Variants in PDCD6 observed in about 807,000 individuals in gnomAD.
PDCD6 encodes the protein programmed cell death protein 6.
PDCD6 carries 12 observed loss-of-function variants against 28.3 expected under a neutral mutation model. The observed-to-expected ratio is 0.42, with a 90% CI of 0.27 to 0.69. The LOEUF (loss-of-function observed/expected upper bound fraction) is 0.69, where lower values mean the gene tolerates loss of function less well. PDCD6 is among the 30% of genes least tolerant of loss of function. The pLI is 0.22. For missense variants in PDCD6, 226 were observed against 269.9 expected (o/e 0.84, Z 1.14); for synonymous variants, 92 against 108.0 (o/e 0.85, Z 0.92).
chr5:293,993 C>T (rs1210761898), intron 2 of PDCD6, among the ~76,000 whole-genome samples: 3 of 142,964 alleles, frequency 2.1e-5, no homozygotes, highest in South Asian at 4.3e-4. Flanking sequence ...GAGCTGCAAA[C>T]GCCCGCGATA....
chr5:286,385 T>C (rs993881969), intron 2 of PDCD6, among the ~76,000 whole-genome samples: 2 of 151,574 alleles, frequency 1.3e-5, no homozygotes, highest in African/African-American at 4.9e-5. Context: ...GGTGAGCTGA[T>C]GTTCCCGTTT....
chr5:280,366 G>A (rs1220606705), intron 2 of PDCD6, among the ~76,000 whole-genome samples: 2 of 152,098 alleles, frequency 1.3e-5, no homozygotes, highest in Non-Finnish European at 2.9e-5. Context: ...GGGCACTGTG[G>A]GCTGTGGATG....
At chr5:285,872 C>T (rs1226375575) in intron 2 of PDCD6, among the ~76,000 whole-genome samples, 10 of 150,086 alleles carry the variant, frequency 6.7e-5, no homozygotes, top group African/African-American at 2.5e-4. Context: ...GCTGATGTTC[C>T]AGTTTAAGGC....
chr5:273,648 G>C (rs567428340), intron 2 of PDCD6, among the ~76,000 whole-genome samples: 3 of 152,282 alleles, frequency 2.0e-5, no homozygotes, highest in African/African-American at 7.2e-5. Context: ...ACTGGGGCGC[G>C]GGGAGCACTA....
chr5:283,475 A>G (rs1294136475), intron 2 of PDCD6, among the ~76,000 whole-genome samples: 5 of 151,354 alleles, frequency 3.3e-5, no homozygotes, highest in Non-Finnish European at 5.9e-5. Context: ...CTGATGTTCT[A>G]GATTGAGGAT....
Position 307,441 on chromosome 5 carries a change from T to C in PDCD6, c.367+681T>C, listed in dbSNP as rs1400813487. On this transcript the variant is annotated intron_variant, in intron 4 of 5. Transcript: ENST00000264933. The surrounding 1 kb of genome is among the most constrained non-coding windows in gnomAD (Gnocchi z 6.1). ...TCAGGTGCGCTCAGCGTGTGTGTGC[T>C]TGACGCGTGTGCACACACACATGTG... 1.3e-5 allele frequency among the ~76,000 whole-genome samples: 2 copies of C among 152,160 alleles called. No homozygotes were observed. Among genetic ancestry groups the C allele is most frequent in the African/African-American group, 4.8e-5 (2 of 41,446 alleles).
chr5:298,791 T>TCCCCCCAGCTGCTC, intron 2 of PDCD6, among the ~76,000 whole-genome samples: 1 of 3,864 alleles, frequency 2.6e-4, no homozygotes, highest in African/African-American at 2.3e-3. Context: ...CCCCAGCTGC[T>TCCCCCCAGCTGCTC]CCCCCAGCTG....
At chr5:289,381 C>G in intron 2 of PDCD6, 1 of 608,534 alleles carries the variant, frequency 1.6e-6, no homozygotes, top group Non-Finnish European at 3.0e-6. Context: ...TCTTCTTACT[C>G]CTCCCTTTTA....
Position 314,438 on chromosome 5 carries a change from C to G in PDCD6, c.499C>G (p.Arg167Gly). 6.2e-7 allele frequency: 1 copy of G among 1,613,500 alleles called. No homozygotes were observed. The highest frequency in any genetic ancestry group is 8.5e-7 in the Non-Finnish European group (1 of 1,179,628). ...CCAGAGGTTGACGGATATATTCAGA[C>G]GTTACGACACGGATCAGGACGGCTG... ...VLQRLTDIFRRYDTDQDGWIQ... is the reference protein window; with the variant it reads ...VLQRLTDIFRGYDTDQDGWIQ... Residue 167 changes from arginine (R) to glycine (G), a missense_variant, in exon 6 of 6, where the codon CGT becomes GGT. Around this residue, in one of 3 missense-constraint regions of PDCD6, gnomAD observed 151 missense variants for 177.2 expected, o/e 0.85. Transcript: ENST00000264933.
chr5:281,880 C>T (rs975481418), intron 2 of PDCD6, among the ~76,000 whole-genome samples: 2 of 149,844 alleles, frequency 1.3e-5, no homozygotes, highest in Non-Finnish European at 3.0e-5. Flanking sequence ...CTTTGAGGGT[C>T]TTTCAGCTGA....
At chr5:273,077 G>T (rs1363820224) in intron 2 of PDCD6, 2 of 350,838 alleles carry the variant, frequency 5.7e-6, no homozygotes. Context: ...ACAGCCGAAA[G>T]CCTTTTGGTA....
chr5:273,996 A>G (rs1738020074), intron 2 of PDCD6, among the ~76,000 whole-genome samples: 2 of 150,780 alleles, frequency 1.3e-5, no homozygotes, highest in Admixed American at 6.6e-5. Flanking sequence ...AGACGTGGCT[A>G]CTAGAAAGAG....
intron 2 of PDCD6, among the ~76,000 whole-genome samples, chr5:298,413 TG>T (rs1326223465): frequency 1.3e-5 from 2 of 151,634 alleles, no homozygotes; most frequent in African/African-American, 4.9e-5. Flanking sequence ...AAGGACATGA[TG>T]GGTTCTTCTT....
chr5:299,428 C>T (rs9654451), intron 2 of PDCD6, among the ~76,000 whole-genome samples: 18,296 of 150,256 alleles, frequency 0.12, 1,168 homozygotes, highest in Admixed American at 0.16. Context: ...ATCCTCCTAG[C>T]CCAATTTCTG....
chr5:287,748 C>G (rs1739061161), intron 2 of PDCD6, among the ~76,000 whole-genome samples: 1 of 152,138 alleles, frequency 6.6e-6, no homozygotes, highest in Non-Finnish European at 1.5e-5. Context: ...CTATGCACCC[C>G]TAAAGCTTCA....
At chr5:294,517 C>A (rs1200412699) in intron 2 of PDCD6, among the ~76,000 whole-genome samples, 1 of 152,230 alleles carries the variant, frequency 6.6e-6, no homozygotes, top group African/African-American at 2.4e-5. Context: ...ATTAAAATGG[C>A]TAAAAACAGA....
intron 2 of PDCD6, among the ~76,000 whole-genome samples, chr5:280,907 C>G (rs543470616): frequency 1.3e-5 from 2 of 152,202 alleles, no homozygotes; most frequent in African/African-American, 4.8e-5. Flanking sequence ...CATTTATGCT[C>G]AAGTGATGGG....
At position 271,732 on chromosome 5, in the gene PDCD6, C is replaced by T. The variant is rs572249908; in HGVS notation, c.12C>T (p.Tyr4=). 2.1e-5 allele frequency: 32 copies of T among 1,538,234 alleles called. No individual in the cohort carries two copies. The African/African-American group carries it at 2.7e-4, about 13-fold the overall frequency. Residue 4 remains tyrosine, a synonymous_variant, in exon 1 of 6, where the codon TAC becomes TAT. Coordinates refer to ENST00000264933, the MANE Select transcript of PDCD6 (RefSeq NM_013232.4). The part of the protein sequence containing the change: MAA[Y]SYRPGPGAGP... ...GCGTGCCTTGGCCCATGGCCGCCTA[C>T]TCTTACCGCCCCGGCCCTGGGGCCG...
At position 305,997 on chromosome 5, in the gene PDCD6, G is replaced by GT. The variant is rs1344941062; in HGVS notation, c.209-599dup. 1 of 153,664 alleles carries GT rather than the reference G, an allele frequency of 6.5e-6. No homozygotes were observed. Among genetic ancestry groups the GT allele is most frequent in the Non-Finnish European group, 1.4e-5 (1 of 69,000 alleles). The allele number at this position is 153,664 out of a possible 1,614,324, so 9.5% of individuals were successfully genotyped here. A position where few individuals can be genotyped will look rare whatever the true frequency, so the allele number is the denominator to read the frequency against. Reference sequence around the variant, plus strand: ...AGTAATTCACACTGAATTTTTCTATGTTTTTTAGCCATATTGCAACTACAT... The same window carrying GT: ...AGTAATTCACACTGAATTTTTCTATGTTTTTTTAGCCATATTGCAACTACAT... On this transcript the variant is annotated intron_variant, in intron 3 of 5. Coordinates refer to ENST00000264933, the MANE Select transcript of PDCD6 (RefSeq NM_013232.4). This position sits in a 1 kb window ranked among gnomAD's most constrained non-coding sequence, Gnocchi z 4.0.
Sources: allele counts gnomAD v4.1 joint callset (sites outside exome capture counted in the v4.1 genomes callset), GRCh38; gene constraint gnomAD v4.1.1; regional missense constraint gnomAD v4.1.1; non-coding constraint Gnocchi (gnomAD v3.1); transcripts MANE v1.5; gene names NCBI Gene and HGNC (gene_info 2026-07-23, HGNC 2026-07-21).